MBOAT2: variants seen among roughly 807,000 people sequenced by gnomAD.
MBOAT2 encodes membrane-bound glycerophospholipid O-acyltransferase 2.
In MBOAT2, 28 loss-of-function variants were observed where a neutral mutation model predicts 63.4. The observed-to-expected ratio is 0.44, with a 90% CI of 0.33 to 0.61. The LOEUF is 0.61. Among genes scored for constraint, MBOAT2 ranks in the 20% least tolerant of loss-of-function variants. The probability of loss-of-function intolerance (pLI) is 0.03; values close to 1 mark genes in which losing one functional copy is unlikely to be tolerated. For synonymous variants in MBOAT2, 211 were observed against 215.6 expected (o/e 0.98, Z 0.19); for missense variants, 470 against 605.8 (o/e 0.78, Z 2.35).
At chr2:8,903,116 G>A (rs1185360264) in intron 4 of MBOAT2, among the ~76,000 whole-genome samples, 1 of 152,150 alleles carries the variant, frequency 6.6e-6, no homozygotes, top group Non-Finnish European at 1.5e-5. Context: ...GCTAGACACA[G>A]AGCGCTGACT....
intron 1 of MBOAT2, among the ~76,000 whole-genome samples, chr2:8,994,692 T>C (rs1672147803): frequency 6.6e-6 from 1 of 152,186 alleles, no homozygotes; most frequent in East Asian, 1.9e-4. Context: ...TTACAAATAC[T>C]TAGGGCATGT....
intron 3 of MBOAT2, among the ~76,000 whole-genome samples, chr2:8,913,842 A>G (rs1665957875): frequency 6.6e-6 from 1 of 152,132 alleles, no homozygotes; most frequent in Non-Finnish European, 1.5e-5. Flanking sequence ...GAGGAAAAAA[A>G]AGTCATTATT....
At position 8,860,727 on chromosome 2, in the gene MBOAT2, G is replaced by C. The variant is rs776506086; in HGVS notation, c.1223C>G (p.Ser408Cys). The change falls in exon 12 of 13, where the codon TCC (serine) becomes TGC (cysteine). Residue 408 changes from serine to cysteine, a missense_variant. By Grantham distance (112) the Ser-to-Cys change is moderately radical. This residue lies in a region of MBOAT2 where 376 missense variants were observed against 503.8 expected (regional missense o/e 0.75). Transcript: ENST00000305997. ...NNFRHYFIEPSQLKLFYDVIT... is the reference protein window; with the variant it reads ...NNFRHYFIEPCQLKLFYDVIT... The stretch of plus-strand genomic sequence containing the variant: ...AACATCATAAAATAATTTCAGTTGG[G>C]AAGGTTCAATGAAATAATGTCTAAA... 3 of 1,599,728 alleles carry C rather than the reference G, an allele frequency of 1.9e-6. No homozygotes were observed. Among genetic ancestry groups the C allele is most frequent in the Non-Finnish European group, 1.7e-6 (2 of 1,168,616 alleles).
At chr2:8,937,504 T>C (rs1417240090) in intron 3 of MBOAT2, among the ~76,000 whole-genome samples, 1 of 152,200 alleles carries the variant, frequency 6.6e-6, no homozygotes, top group Admixed American at 6.5e-5. Flanking sequence ...TGAGATAGAT[T>C]CTCTGAAGGA....
At chr2:8,880,348 C>A (rs1250391060) in intron 6 of MBOAT2, among the ~76,000 whole-genome samples, 2 of 152,130 alleles carry the variant, frequency 1.3e-5, no homozygotes, top group Non-Finnish European at 2.9e-5. Context: ...GGAAGTCCCC[C>A]CAAGCCACCA....
At chr2:8,894,445 G>A (rs1053307708) in intron 4 of MBOAT2, among the ~76,000 whole-genome samples, 7 of 152,176 alleles carry the variant, frequency 4.6e-5, no homozygotes, top group Admixed American at 1.3e-4. Context: ...CTACTTGCAG[G>A]CAGTTGAATG....
At chr2:8,924,921 G>T (rs1242107894) in intron 3 of MBOAT2, among the ~76,000 whole-genome samples, 2 of 152,032 alleles carry the variant, frequency 1.3e-5, no homozygotes, top group African/African-American at 4.8e-5. Flanking sequence ...AAGACCTTCA[G>T]CATATCACCT....
Position 8,864,199 on chromosome 2 carries a change from C to T in MBOAT2, c.1023G>A (p.Trp341Ter). Residue 341 changes from tryptophan (W) to a stop codon, truncating the protein, a stop_gained, in exon 10 of 13, where the codon TGG (tryptophan) becomes TGA (stop). Coordinates refer to ENST00000305997, the MANE Select transcript of MBOAT2 (RefSeq NM_138799.4). LOFTEE classifies it high-confidence loss of function. ...TGAGCCAAAGAGCTGTCTGAATATT[C>T]CAATTATCAAGAAACATCTTGAAAC... ...STSFKMFLDN[W>*]NIQTALWLKR... The T allele has an allele frequency of 6.3e-7, 1 of 1,578,084 alleles. No homozygotes were observed. The highest frequency in any genetic ancestry group is 8.6e-7 in the Non-Finnish European group (1 of 1,166,658).
At chr2:8,893,592 A>C (rs967054616) in intron 4 of MBOAT2, among the ~76,000 whole-genome samples, 1 of 152,222 alleles carries the variant, frequency 6.6e-6, no homozygotes, top group Non-Finnish European at 1.5e-5. Context: ...AACTGCTAAG[A>C]AGCCAGTGGC....
chr2:8,870,797 T>C (rs1662258576), intron 8 of MBOAT2, among the ~76,000 whole-genome samples: 1 of 152,208 alleles, frequency 6.6e-6, no homozygotes, highest in Admixed American at 6.5e-5. Context: ...CAATTTCAAA[T>C]TGTCATTCAT....
chr2:8,918,138 G>T (rs1666320024), intron 3 of MBOAT2, among the ~76,000 whole-genome samples: 1 of 152,222 alleles, frequency 6.6e-6, no homozygotes, highest in East Asian at 1.9e-4. Flanking sequence ...TAGATTTAGG[G>T]TGGAAGTCAC....
intron 2 of MBOAT2, among the ~76,000 whole-genome samples, chr2:8,950,010 G>A (rs1668714446): frequency 6.6e-6 from 1 of 152,124 alleles, no homozygotes; most frequent in Non-Finnish European, 1.5e-5. Flanking sequence ...GTGTTTTGAA[G>A]CTCTCCTTGT....
At chr2:8,895,109 A>G (rs773540292) in intron 4 of MBOAT2, among the ~76,000 whole-genome samples, 5 of 152,248 alleles carry the variant, frequency 3.3e-5, no homozygotes, top group Non-Finnish European at 7.3e-5. Flanking sequence ...TATTGTGAAG[A>G]GCAAAAGAAT....
chr2:8,955,967 T>A (rs1669188834), intron 2 of MBOAT2, among the ~76,000 whole-genome samples: 1 of 152,202 alleles, frequency 6.6e-6, no homozygotes, highest in African/African-American at 2.4e-5. Flanking sequence ...AATTTTTCAA[T>A]TAAGGTATGT....
chr2:8,906,279 C>A (rs534196076), intron 4 of MBOAT2, among the ~76,000 whole-genome samples: 2 of 152,326 alleles, frequency 1.3e-5, no homozygotes, highest in South Asian at 4.1e-4. Flanking sequence ...CTTCTAAAGT[C>A]ACGTCCTATA....
In MBOAT2 at chr2:8,858,628, T is replaced by C; in HGVS notation, c.*51A>G. 1.5e-6 allele frequency: 2 copies of C among 1,370,006 alleles called. No homozygotes were observed. The highest frequency in any genetic ancestry group is 2.0e-6 in the Non-Finnish European group (2 of 991,848). The allele number at this position is 1,370,006 out of a possible 1,614,324, so 84.9% of individuals were successfully genotyped here. ...CAAACCCCTTGAAAAGGTGCTAAGA[T>C]TGGTTTCTGTTAACATCAAAAAAAA... On this transcript the variant is annotated 3_prime_UTR_variant, in exon 13 of 13. Coordinates refer to ENST00000305997, the MANE Select transcript of MBOAT2 (RefSeq NM_138799.4).
chr2:8,907,530 G>C (rs1665422091), intron 4 of MBOAT2, among the ~76,000 whole-genome samples: 1 of 152,164 alleles, frequency 6.6e-6, no homozygotes, highest in South Asian at 2.1e-4. Context: ...AGTATCTACT[G>C]ATCCTGCTCA....
rs1045070723 is a variant in MBOAT2, at chr2:8,852,935, T to A, written c.*5744A>T. The A allele has an allele frequency of 3.3e-5, 5 of 152,146 alleles. No individual in the cohort carries two copies. Among genetic ancestry groups the A allele is most frequent in the African/African-American group, 1.2e-4 (5 of 41,420 alleles). The allele number at this position is 152,146 out of a possible 1,614,324, so 9.4% of individuals were successfully genotyped here. Reference sequence around the variant, plus strand: ...TATGAATCTGTTGAAAAATAACACTTCTTTAAAAAAATATTTTGGAATAAT... The same window carrying A: ...TATGAATCTGTTGAAAAATAACACTACTTTAAAAAAATATTTTGGAATAAT... On this transcript the variant is annotated 3_prime_UTR_variant, in exon 13 of 13. Transcript: ENST00000305997.
At chr2:8,875,104 C>A (rs1223365589) in intron 7 of MBOAT2, among the ~76,000 whole-genome samples, 3 of 152,164 alleles carry the variant, frequency 2.0e-5, no homozygotes, top group African/African-American at 7.2e-5. Context: ...GAGGAGAGAA[C>A]AGTGGAGAGG....
Sources: allele counts gnomAD v4.1 joint callset (sites outside exome capture counted in the v4.1 genomes callset), GRCh38; gene constraint gnomAD v4.1.1; regional missense constraint gnomAD v4.1.1; transcripts MANE v1.5; gene names NCBI Gene and HGNC (gene_info 2026-07-23, HGNC 2026-07-21).